CD300A: variants seen among roughly 807,000 people sequenced by gnomAD.
CD300A encodes CD300a molecule, also known as CMRF35-like molecule 8.
CD300A carries 22 observed loss-of-function variants against 33.6 expected under a neutral mutation model. The observed-to-expected ratio is 0.66, with a 90% CI of 0.47 to 0.94. The LOEUF (loss-of-function observed/expected upper bound fraction) is 0.94. Ranked by LOEUF, CD300A falls within the 40% of genes least tolerant of loss-of-function variation. The pLI, the probability that CD300A is intolerant of heterozygous loss-of-function variation, is 0.00. For missense variants in CD300A, 326 were observed against 360.5 expected, an observed-to-expected ratio of 0.90 and a Z score of 0.77; for synonymous variants, 136 against 148.1, an observed-to-expected ratio of 0.92 and a Z score of 0.59.
chr17:74,484,151 A>T lies in CD300A; in HGVS notation c.*25A>T, dbSNP rs1907106425. On this transcript the variant is annotated 3_prime_UTR_variant, in exon 7 of 7. Coordinates refer to ENST00000360141, the MANE Select transcript of CD300A (RefSeq NM_007261.4). ...GGCTTTTGTCCTGCCTCGCCATCGG[A>T]GCTCTCATGGGCCCCAGGAAGTCCA... 1.2e-6 allele frequency: 2 copies of T among 1,611,226 alleles called. No homozygotes were observed. Among genetic ancestry groups the T allele is most frequent in the Admixed American group, 3.3e-5 (2 of 59,926 alleles).
At chr17:74,473,017 G>T (rs893912772) in intron 1 of CD300A, among the ~76,000 whole-genome samples, 1 of 152,126 alleles carries the variant, frequency 6.6e-6, no homozygotes, top group African/African-American at 2.4e-5. Flanking sequence ...GTTGCCCAGG[G>T]CTGGGGTGGC....
chr17:74,474,535 C>T lies in CD300A; in HGVS notation c.383C>T (p.Ser128Leu). The change falls in exon 3 of 7, where the codon TCA becomes TTA. Residue 128 changes from serine to leucine, a missense_variant. By Grantham distance (145) the Ser-to-Leu change is moderately radical. Transcript: ENST00000360141. Reference protein sequence around the residue: ...VEVEVSVFPASTSMTPASITA... With the variant: ...VEVEVSVFPALTSMTPASITA... ...TGACTTGTGGTTTTGCCACCAGCAT[C>T]AACGTCAATGACACCTGCAAGTATC... is the stretch of plus-strand genomic sequence containing the variant. The T allele has an allele frequency of 1.2e-6, 2 of 1,613,900 alleles. No individual in the cohort carries two copies. The highest frequency in any genetic ancestry group is 2.2e-5 in the South Asian group (2 of 91,062).
intron 4 of CD300A, among the ~76,000 whole-genome samples, chr17:74,479,155 C>G (rs1906672509): frequency 6.6e-6 from 1 of 152,200 alleles, no homozygotes; most frequent in Non-Finnish European, 1.5e-5. Flanking sequence ...ACCCCACCAC[C>G]TAGAGAAAAC....
At chr17:74,466,869 G>T in intron 1 of CD300A, 126 bp downstream of exon 1, 4 of 1,528,106 alleles carry the variant, frequency 2.6e-6, no homozygotes, top group Non-Finnish European at 3.5e-6. Flanking sequence ...AATGCGGTGC[G>T]CTCTGTCTAC....
intron 6 of CD300A, among the ~76,000 whole-genome samples, chr17:74,482,677 A>G (rs961224257): frequency 8.2e-6 from 1 of 122,326 alleles, no homozygotes; most frequent in South Asian, 2.4e-4. Flanking sequence ...CTCCTGGCCA[A>G]GTTCCTTCCT....
At chr17:74,470,174 T>G (rs1906000830) in intron 1 of CD300A, 16 of 985,256 alleles carry the variant, frequency 1.6e-5, no homozygotes, top group Non-Finnish European at 1.8e-5. Context: ...GGGTGGTGAT[T>G]CAGGTTGGAA....
chr17:74,466,514 T>C (rs1567975593), upstream of CD300A: 4 of 633,008 alleles, frequency 6.3e-6, no homozygotes, highest in East Asian at 2.8e-5. Context: ...TTCTAGGGAG[T>C]CTTAGTCGGG....
At chr17:74,466,522 G>A (rs994618154), upstream of CD300A, 3 of 661,180 alleles carry the variant, frequency 4.5e-6, no homozygotes, top group African/African-American at 3.6e-5. Context: ...AGTCTTAGTC[G>A]GGGCTCACCA....
chr17:74,472,863 G>A (rs1346530677), intron 1 of CD300A, among the ~76,000 whole-genome samples: 1 of 152,140 alleles, frequency 6.6e-6, no homozygotes, highest in East Asian at 1.9e-4. Context: ...ACCCACCTTA[G>A]CCTCCCAAAG....
chr17:74,466,841 A>G, intron 1 of CD300A, 98 bp downstream of exon 1: 1 of 1,544,826 alleles, frequency 6.5e-7, no homozygotes, highest in Non-Finnish European at 8.7e-7. Flanking sequence ...CCGAGTCTGG[A>G]CTCCGTGCAG....
intron 2 of CD300A, 104 bp from the exon 3 acceptor site, chr17:74,474,428 T>C: frequency 8.3e-7 from 1 of 1,199,712 alleles, no homozygotes; most frequent in Non-Finnish European, 1.2e-6. Context: ...TCCTGCCCCC[T>C]TCCTTAGTGG....
In CD300A at chr17:74,481,833, G is replaced by A. The variant is rs771242662; in HGVS notation, c.774G>A (p.Val258=). The change falls in exon 6 of 7, where the codon GTG becomes GTA. Residue 258 remains valine, a splice_region_variant and synonymous_variant. Transcript: ENST00000360141. ...PREVEVEYST[V]ASPREELHYA... ...AGGTGGAGGTGGAATACAGCACTGT[G>A]GTAAGTGCAGGAGCCCGGCTTTTGG... 6.2e-6 allele frequency: 10 copies of A among 1,605,388 alleles called. No homozygotes were observed. Among genetic ancestry groups the A allele is most frequent in the Non-Finnish European group, 7.7e-6 (9 of 1,175,368 alleles).
chr17:74,483,244 C>T (rs149278926), intron 6 of CD300A, among the ~76,000 whole-genome samples: 46 of 152,286 alleles, frequency 3.0e-4, no homozygotes, highest in African/African-American at 1.0e-3. Flanking sequence ...GCAGGGCCAA[C>T]GCAGTACCCC....
intron 4 of CD300A, among the ~76,000 whole-genome samples, chr17:74,478,069 T>G (rs1334186580): frequency 6.6e-6 from 1 of 152,010 alleles, no homozygotes; most frequent in Non-Finnish European, 1.5e-5. Context: ...GAAACCAACT[T>G]CTTGTATCTC....
At chr17:74,470,037 C>T in intron 1 of CD300A, 1 of 985,044 alleles carries the variant, frequency 1.0e-6, no homozygotes. Flanking sequence ...AGTCATTTAC[C>T]TGAGAGTTAA....
chr17:74,469,836 A>T, intron 1 of CD300A: 1 of 475,420 alleles, frequency 2.1e-6, no homozygotes, highest in Non-Finnish European at 2.7e-6. Flanking sequence ...AAAAAAATGA[A>T]ATAAAATAAT....
Position 74,466,762 on chromosome 17 carries a change from G to T in CD300A, c.40+19G>T. 2 of 1,580,074 alleles carry T rather than the reference G, an allele frequency of 1.3e-6. No individual in the cohort carries two copies. Among genetic ancestry groups the T allele is most frequent in the East Asian group, 2.3e-5 (1 of 43,396 alleles). ...GTCCCAGGTGAGAGTTTCCCTTCCC[G>T]GGAAAGTCTGCGGCAGGGAGGGAGG... On this transcript the variant is annotated intron_variant, in intron 1 of 6. Transcript: ENST00000360141.
At position 74,484,011 on chromosome 17, in the gene CD300A, G is replaced by C; in HGVS notation, c.785G>C (p.Arg262Thr). The C allele has an allele frequency of 6.2e-7, 1 of 1,613,918 alleles. No homozygotes were observed. The highest frequency in any genetic ancestry group is 1.3e-5 in the African/African-American group (1 of 75,014). ...EVEYSTVASP[R>T]EELHYASVVF... ...GGTTTCTCTCTGCAGGCCTCCCCCA[G>C]GGAAGAACTTCACTATGCCTCGGTG... The change falls in exon 7 of 7, where the codon AGG becomes ACG. Residue 262 changes from arginine (R) to threonine (T), a missense_variant. By Grantham distance (71) the Arg-to-Thr change is moderately conservative (BLOSUM62 -1). Transcript: ENST00000360141.
chr17:74,472,307 G>A (rs1906159221), intron 1 of CD300A, among the ~76,000 whole-genome samples: 1 of 151,498 alleles, frequency 6.6e-6, no homozygotes, highest in South Asian at 2.1e-4. Context: ...CACCATCCTT[G>A]AACAATATGG....
Sources: gnomAD v4.1 joint callset for allele counts (sites outside exome capture counted in the v4.1 genomes callset) on GRCh38, gnomAD v4.1.1 for gene constraint, MANE v1.5 for transcripts, NCBI Gene and HGNC (gene_info 2026-07-23, HGNC 2026-07-21) for gene names.